VPS13B: variants seen among roughly 807,000 people sequenced by gnomAD.
VPS13B encodes intermembrane lipid transfer protein VPS13B.
In VPS13B, 285 loss-of-function variants were observed where a neutral mutation model predicts 426.4. That is an observed-to-expected ratio of 0.67 (90% CI 0.61 to 0.74). The LOEUF (loss-of-function observed/expected upper bound fraction) is 0.74, where lower values mean the gene tolerates loss of function less well. Ranked by LOEUF, VPS13B falls within the 30% of genes least tolerant of loss-of-function variation. VPS13B has a pLI of 0.00. For missense variants in VPS13B, 4,537 were observed against 4,782.6 expected (o/e 0.95, Z 1.51); for synonymous variants, 1,676 against 1,676.4 (o/e 1.00, Z 0.01).
At chr8:99,519,463 A>G (rs1422766332) in intron 29 of VPS13B, among the ~76,000 whole-genome samples, 1 of 152,208 alleles carries the variant, frequency 6.6e-6, no homozygotes, top group Non-Finnish European at 1.5e-5. Context: ...GATGTACCCA[A>G]AGGATTATAA....
At chr8:99,067,593 G>A (rs140277423) in intron 3 of VPS13B, among the ~76,000 whole-genome samples, 15 of 152,166 alleles carry the variant, frequency 9.9e-5, no homozygotes, top group African/African-American at 3.4e-4. Flanking sequence ...GTATACCTAC[G>A]TAACAAAACT....
At chr8:99,494,286 C>T (rs1000239803) in intron 25 of VPS13B, among the ~76,000 whole-genome samples, 1 of 152,068 alleles carries the variant, frequency 6.6e-6, no homozygotes, top group Non-Finnish European at 1.5e-5. Flanking sequence ...AATTCTGTAT[C>T]CGTTAAAAAA....
intron 36 of VPS13B, among the ~76,000 whole-genome samples, chr8:99,707,311 C>CT (rs755804978): frequency 2.0e-5 from 3 of 152,050 alleles, no homozygotes; most frequent in Non-Finnish European, 4.4e-5. Context: ...ATTTATAGGA[C>CT]TTTGAGAGGA....
At chr8:99,018,743 A>G (rs1841741312) in intron 2 of VPS13B, among the ~76,000 whole-genome samples, 1 of 151,284 alleles carries the variant, frequency 6.6e-6, no homozygotes, top group South Asian at 2.1e-4. Context: ...AATAACCTTT[A>G]CTGAGTTGAG....
intron 33 of VPS13B, among the ~76,000 whole-genome samples, chr8:99,631,625 C>T (rs1828849813): frequency 1.3e-5 from 2 of 151,888 alleles, no homozygotes; most frequent in Admixed American, 1.3e-4. Flanking sequence ...TGCAGTTGCT[C>T]TGACTAAAAA....
chr8:99,562,402 TCCCAAGTA>T (rs1195574502), intron 31 of VPS13B, among the ~76,000 whole-genome samples: 1 of 151,380 alleles, frequency 6.6e-6, no homozygotes, highest in Non-Finnish European at 1.5e-5. Context: ...TGCCTCATCC[TCCCAAGTA>T]CCTGGGATGA....
chr8:99,527,662 A>G (rs1035639686), intron 30 of VPS13B, among the ~76,000 whole-genome samples: 3 of 152,158 alleles, frequency 2.0e-5, no homozygotes, highest in Non-Finnish European at 4.4e-5. Context: ...TCTCAAGCCA[A>G]AAGAGAAGCA....
chr8:99,111,102 T>A lies in VPS13B; in HGVS notation c.585T>A (p.Thr195=), dbSNP rs773972779. Reference sequence around the variant, plus strand: ...AATGTTTTTTTTTCTTTTTAGCAACTGATTTGGTGCTGAGAAAGGTTATCA... The same window carrying A: ...AATGTTTTTTTTTCTTTTTAGCAACAGATTTGGTGCTGAGAAAGGTTATCA... ...WDRAFMDISA[T]DLVLRKVINF... The change falls in exon 6 of 62, where the codon ACT becomes ACA. Residue 195 remains threonine, a synonymous_variant. Coordinates refer to ENST00000357162, the MANE Select transcript of VPS13B (RefSeq NM_152564.5). 1.9e-6 allele frequency: 3 copies of A among 1,598,912 alleles called. No homozygotes were observed. The highest frequency in any genetic ancestry group is 2.6e-6 in the Non-Finnish European group (3 of 1,172,760).
intron 17 of VPS13B, among the ~76,000 whole-genome samples, chr8:99,270,852 G>T (rs148896279): frequency 1.4e-3 from 218 of 152,252 alleles, no homozygotes; most frequent in African/African-American, 5.0e-3. Context: ...CATAGTGATT[G>T]GAACAGGGTA....
At chr8:99,362,472 T>C (rs1812624541) in intron 19 of VPS13B, among the ~76,000 whole-genome samples, 1 of 152,164 alleles carries the variant, frequency 6.6e-6, no homozygotes, top group South Asian at 2.1e-4. Context: ...AGTTTCATTA[T>C]AGTGGATAAC....
At chr8:99,536,987 T>C (rs1387149321) in intron 30 of VPS13B, 1 of 345,404 alleles carries the variant, frequency 2.9e-6, no homozygotes, top group Non-Finnish European at 5.7e-6. Context: ...GTAATTAATA[T>C]CTTGTCCTTC....
intron 16 of VPS13B, among the ~76,000 whole-genome samples, chr8:99,174,361 T>C (rs1209843979): frequency 1.3e-5 from 2 of 152,234 alleles, no homozygotes; most frequent in Non-Finnish European, 2.9e-5. Flanking sequence ...TGCTGTATCA[T>C]ATGGTAATTC....
chr8:99,177,724 T>C (rs1428462074), intron 16 of VPS13B, among the ~76,000 whole-genome samples: 5 of 152,190 alleles, frequency 3.3e-5, no homozygotes, highest in Non-Finnish European at 7.4e-5. Flanking sequence ...CTTAGTAAAA[T>C]AGTTTGTTTA....
chr8:99,628,221 G>A (rs1256408453), intron 33 of VPS13B, among the ~76,000 whole-genome samples: 3 of 152,238 alleles, frequency 2.0e-5, no homozygotes, highest in Non-Finnish European at 1.5e-5. Flanking sequence ...CCCTAGTGCA[G>A]TGCTCTATCT....
intron 19 of VPS13B, among the ~76,000 whole-genome samples, chr8:99,369,725 G>A (rs1161831887): frequency 1.3e-5 from 2 of 152,152 alleles, no homozygotes; most frequent in Non-Finnish European, 2.9e-5. Flanking sequence ...CTACAATGTT[G>A]AAACAACTAG....
intron 23 of VPS13B, among the ~76,000 whole-genome samples, chr8:99,464,173 C>G (rs145055479): frequency 7.5e-4 from 114 of 152,200 alleles, no homozygotes; most frequent in African/African-American, 2.5e-3. Flanking sequence ...CTGAGTCATA[C>G]TGGTTTTTTG....
chr8:99,575,610 T>C, intron 31 of VPS13B, 48 bp from the exon 32 acceptor site: 2 of 1,611,508 alleles, frequency 1.2e-6, no homozygotes, highest in South Asian at 1.1e-5. Context: ...ATGAAAATTG[T>C]CTTTGAAAAT....
chr8:99,033,305 A>G (rs1219498988), intron 2 of VPS13B, among the ~76,000 whole-genome samples: 1 of 152,180 alleles, frequency 6.6e-6, no homozygotes, highest in African/African-American at 2.4e-5. Context: ...ATTCTTGGAG[A>G]AATTAGGTGT....
At chr8:99,193,280 A>T (rs1813707783) in intron 17 of VPS13B, among the ~76,000 whole-genome samples, 2 of 152,188 alleles carry the variant, frequency 1.3e-5, no homozygotes, top group South Asian at 2.1e-4. Flanking sequence ...ATTGCAAAAG[A>T]TTATTTTTCA....
Sources: gnomAD v4.1 joint callset for allele counts (sites outside exome capture counted in the v4.1 genomes callset) on GRCh38, gnomAD v4.1.1 for gene constraint, MANE v1.5 for transcripts, NCBI Gene and HGNC (gene_info 2026-07-23, HGNC 2026-07-21) for gene names.